NCK1: variants seen among roughly 807,000 people sequenced by gnomAD.
NCK1 encodes SH2/SH3 adapter protein NCK1.
Under a neutral mutation model 36.6 loss-of-function variants are expected in NCK1, and 19 were observed. That is an observed-to-expected ratio of 0.52 (90% confidence interval 0.36 to 0.76). The LOEUF (loss-of-function observed/expected upper bound fraction) is 0.76. Ranked by LOEUF, NCK1 falls within the 30% of genes least tolerant of loss-of-function variation. NCK1 has a pLI of 0.00. For missense variants in NCK1, 358 were observed against 445.6 expected (o/e 0.80, Z 1.77); for synonymous variants, 165 against 156.0 (o/e 1.06, Z -0.43).
In NCK1 at chr3:136,950,354, A is replaced by C. The variant is rs1940941792; in HGVS notation, c.*1901A>C. Among the ~76,000 whole-genome samples, 1 of 152,126 alleles carries C rather than the reference A, an allele frequency of 6.6e-6. No individual in the cohort carries two copies. Among genetic ancestry groups the C allele is most frequent in the Admixed American group, 6.6e-5 (1 of 15,266 alleles). On this transcript the variant is annotated 3_prime_UTR_variant, in exon 4 of 4. Coordinates refer to ENST00000481752, the MANE Select transcript of NCK1 (RefSeq NM_001291999.2). Reference sequence around the variant, plus strand: ...CACTGAGCTGATATTAATAGAGCAGACTTTTGAGAAAGTAGGAGTGTAGTA... The same window carrying C: ...CACTGAGCTGATATTAATAGAGCAGCCTTTTGAGAAAGTAGGAGTGTAGTA...
intron 2 of NCK1, chr3:136,930,618 C>G: frequency 7.0e-7 from 1 of 1,427,836 alleles, no homozygotes; most frequent in East Asian, 2.7e-5. Flanking sequence ...TTTATTAAAT[C>G]CACTGTTTTC....
At chr3:136,866,828 G>A (rs1039883726) in intron 1 of NCK1, among the ~76,000 whole-genome samples, 5 of 151,940 alleles carry the variant, frequency 3.3e-5, no homozygotes, top group Admixed American at 6.6e-5. Context: ...GGCCAGGCTG[G>A]TCTTGAACTC....
intron 2 of NCK1, among the ~76,000 whole-genome samples, chr3:136,931,351 A>T (rs1301112244): frequency 6.6e-6 from 1 of 152,202 alleles, no homozygotes; most frequent in Non-Finnish European, 1.5e-5. Context: ...AGGAATTATT[A>T]TAGAAGTCTC....
intron 1 of NCK1, among the ~76,000 whole-genome samples, chr3:136,913,926 C>T (rs1939893858): frequency 1.3e-5 from 2 of 152,234 alleles, no homozygotes; most frequent in South Asian, 2.1e-4. Context: ...TCCCAAAGTG[C>T]TGGGATTACA....
chr3:136,867,184 CTTTCTTT>C (rs1560028675), intron 1 of NCK1, among the ~76,000 whole-genome samples: 2 of 71,454 alleles, frequency 2.8e-5, no homozygotes, highest in Non-Finnish European at 7.2e-5. Context: ...TTCCTTCTTT[CTTTCTTT>C]TCTTTCTTTT....
At chr3:136,913,993 G>A (rs575514521) in intron 1 of NCK1, among the ~76,000 whole-genome samples, 132 of 152,312 alleles carry the variant, frequency 8.7e-4, no homozygotes, top group Middle Eastern at 3.4e-3. Context: ...CATTTATATG[G>A]TTGCTTCTGA....
chr3:136,865,031 T>C (rs951185496), intron 1 of NCK1, among the ~76,000 whole-genome samples: 6 of 152,050 alleles, frequency 3.9e-5, no homozygotes, highest in African/African-American at 1.4e-4. Context: ...GGATCTTGGC[T>C]CACTGCAACC....
chr3:136,924,962 A>G (rs1940201361), intron 1 of NCK1, among the ~76,000 whole-genome samples: 4 of 152,192 alleles, frequency 2.6e-5, no homozygotes, highest in Non-Finnish European at 5.9e-5. Flanking sequence ...TTAGTGCTTA[A>G]TGAAATCATG....
chr3:136,920,681 TAAAG>T (rs939297383), intron 1 of NCK1, among the ~76,000 whole-genome samples: 5 of 152,146 alleles, frequency 3.3e-5, no homozygotes, highest in Admixed American at 2.0e-4. Flanking sequence ...ACATTTTATC[TAAAG>T]AAAGAAGCCA....
intron 2 of NCK1, among the ~76,000 whole-genome samples, 163 bp from the exon 3 acceptor site, chr3:136,945,420 T>G (rs1940785370): frequency 6.6e-6 from 1 of 152,202 alleles, no homozygotes; most frequent in Non-Finnish European, 1.5e-5. Context: ...ATTTGCATCT[T>G]ATTTCCAAAA....
intron 1 of NCK1, among the ~76,000 whole-genome samples, chr3:136,870,672 C>A (rs1367549374): frequency 1.6e-4 from 20 of 121,368 alleles, no homozygotes; most frequent in Non-Finnish European, 1.0e-4. Flanking sequence ...CTTTTCATTT[C>A]TTAGCTATAG....
chr3:136,907,298 C>A (rs1404410262), intron 1 of NCK1, among the ~76,000 whole-genome samples: 2 of 152,092 alleles, frequency 1.3e-5, no homozygotes, highest in Non-Finnish European at 2.9e-5. Context: ...TCAATGGGGT[C>A]TCCAGGGATG....
chr3:136,892,396 G>C (rs992049187), intron 1 of NCK1, among the ~76,000 whole-genome samples: 1 of 152,186 alleles, frequency 6.6e-6, no homozygotes, highest in Non-Finnish European at 1.5e-5. Flanking sequence ...TCGGTTGCCT[G>C]TGCTACTGAT....
intron 2 of NCK1, among the ~76,000 whole-genome samples, chr3:136,935,283 C>G (rs1362963302): frequency 6.6e-6 from 1 of 152,136 alleles, no homozygotes; most frequent in Non-Finnish European, 1.5e-5. Flanking sequence ...CTAGGTTTTA[C>G]TGATCTTTTG....
At chr3:136,899,201 C>T in intron 1 of NCK1, 1 of 230,392 alleles carries the variant, frequency 4.3e-6, no homozygotes. Flanking sequence ...CTTCCAGATG[C>T]TGGTAGAACC....
At chr3:136,882,793 T>C (rs930212553) in intron 1 of NCK1, among the ~76,000 whole-genome samples, 5 of 152,222 alleles carry the variant, frequency 3.3e-5, no homozygotes, top group African/African-American at 9.6e-5. Flanking sequence ...TGTGATCTTA[T>C]CTAATTGCAG....
At chr3:136,917,500 T>C (rs1940000120) in intron 1 of NCK1, among the ~76,000 whole-genome samples, 1 of 152,248 alleles carries the variant, frequency 6.6e-6, no homozygotes, top group South Asian at 2.1e-4. Context: ...TTTGAAAAAT[T>C]GGAGAATCTA....
chr3:136,912,187 G>A lies in NCK1; in HGVS notation c.-18-15797G>A, dbSNP rs181402132. On this transcript the variant is annotated intron_variant, in intron 1 of 3. Coordinates refer to ENST00000481752, the MANE Select transcript of NCK1 (RefSeq NM_001291999.2). The stretch of plus-strand genomic sequence containing the variant: ...CTTTTTTTTTTTTTTTTTTGAGACC[G>A]AGTCTCGCTCTGTCACCCAGGCTGG... Among the ~76,000 whole-genome samples, 323 of 124,040 alleles carry A rather than the reference G, an allele frequency of 2.6e-3. 1 individual carries two copies. The highest frequency in any genetic ancestry group is 9.0e-3 in the African/African-American group (274 of 30,290). The allele number at this position is 124,040 out of a possible 152,430, so 81.4% of individuals were successfully genotyped here. A position where few individuals can be genotyped will look rare whatever the true frequency, so the allele number is the denominator to read the frequency against.
chr3:136,927,004 T>C (rs1940258062), intron 1 of NCK1, among the ~76,000 whole-genome samples: 1 of 152,184 alleles, frequency 6.6e-6, no homozygotes, highest in East Asian at 1.9e-4. Flanking sequence ...CAAGTCTGGC[T>C]GTGTCACCCA....
Sources: gnomAD v4.1 joint callset for allele counts (sites outside exome capture counted in the v4.1 genomes callset) on GRCh38, gnomAD v4.1.1 for gene constraint, MANE v1.5 for transcripts, NCBI Gene and HGNC (gene_info 2026-07-23, HGNC 2026-07-21) for gene names.